Variants in MYRIP observed in about 807,000 individuals in gnomAD.
The protein encoded by MYRIP is myosin VIIA and Rab interacting protein.
Under a neutral mutation model 98.0 loss-of-function variants are expected in MYRIP, and 49 were observed. That is an observed-to-expected ratio of 0.50 (90% CI 0.40 to 0.63). The LOEUF (loss-of-function observed/expected upper bound fraction) is 0.63, where lower values mean the gene tolerates loss of function less well. Ranked by LOEUF, MYRIP falls within the 30% of genes least tolerant of loss-of-function variation. The pLI, the probability that MYRIP is intolerant of heterozygous loss-of-function variation, is 0.00. For missense variants in MYRIP, 1,004 were observed against 1,058.2 expected, an observed-to-expected ratio of 0.95 and a Z score of 0.71; for synonymous variants, 404 against 409.5, an observed-to-expected ratio of 0.99 and a Z score of 0.16.
chr3:40,167,031 A>G (rs1485049316), intron 6 of MYRIP, 88 bp downstream of exon 6: 6 of 1,364,192 alleles, frequency 4.4e-6, no homozygotes, highest in East Asian at 2.3e-5. Flanking sequence ...CAGGAAATCA[A>G]TGTCCCAGCA....
intron 3 of MYRIP, chr3:40,071,258 G>A (rs375833690): frequency 1.1e-6 from 1 of 925,332 alleles, no homozygotes; most frequent in Non-Finnish European, 1.3e-6. Context: ...GGGTCAGAAT[G>A]TGAGCCATCA....
chr3:40,127,218 A>G (rs1949541744), intron 3 of MYRIP, among the ~76,000 whole-genome samples: 1 of 152,212 alleles, frequency 6.6e-6, no homozygotes, highest in African/African-American at 2.4e-5. Context: ...GTGCTTAACT[A>G]TATTCAGGTT....
At chr3:40,164,746 C>A (rs1950468341) in intron 5 of MYRIP, among the ~76,000 whole-genome samples, 1 of 152,220 alleles carries the variant, frequency 6.6e-6, no homozygotes, top group Admixed American at 6.5e-5. Context: ...TGACCTGAAC[C>A]TTCACTTTTT....
intron 1 of MYRIP, among the ~76,000 whole-genome samples, chr3:39,828,296 A>AT (rs1034047921): frequency 6.0e-5 from 9 of 150,838 alleles, no homozygotes; most frequent in African/African-American, 1.9e-4. Context: ...TTTCTCTCTC[A>AT]TTTTTTTGTC....
chr3:40,084,607 C>CGATAGATAATACACATCTATGTATTATA lies in MYRIP; in HGVS notation c.332+40336_332+40337insGATAGATAATACACATCTATGTATTATA, dbSNP rs1559393869. On this transcript the variant is annotated intron_variant, in intron 3 of 16. Coordinates refer to ENST00000302541, the MANE Select transcript of MYRIP (RefSeq NM_015460.4). ...TAGATAATACACATCTATGTATTATCTATCGATAGATAATACACATCTATG... is the reference window on the plus strand; with the variant it reads ...TAGATAATACACATCTATGTATTATCGATAGATAATACACATCTATGTATTATATATCGATAGATAATACACATCTATG... Among the ~76,000 whole-genome samples, 22 of 10,890 alleles carry CGATAGATAATACACATCTATGTATTATA rather than the reference C, an allele frequency of 2.0e-3. 1 individual carries two copies. The highest frequency in any genetic ancestry group is 3.9e-3 in the African/African-American group (19 of 4,902). 7.1% of individuals were successfully genotyped at this position (10,890 alleles called of 152,430 possible). A position where few individuals can be genotyped will look rare whatever the true frequency, so the allele number is the denominator to read the frequency against.
intron 12 of MYRIP, among the ~76,000 whole-genome samples, chr3:40,239,063 C>T (rs1952916119): frequency 8.0e-6 from 1 of 124,390 alleles, no homozygotes; most frequent in Non-Finnish European, 1.6e-5. Flanking sequence ...CCCCCTCCCC[C>T]CACCCCACAA....
In MYRIP at chr3:40,168,175, C is replaced by T. The variant is rs1430091003; in HGVS notation, c.729+936C>T. Among the ~76,000 whole-genome samples the T allele has an allele frequency of 2.0e-5, 3 of 152,204 alleles. No homozygotes were observed. In the East Asian group the frequency reaches 5.8e-4, roughly 29 times the overall value. On this transcript the variant is annotated intron_variant, in intron 7 of 16. Transcript: ENST00000302541. ...TCACCTTGTTAGTGTAACAGACACT[C>T]CTATCACTCAAATAATTGCAAAGGT... is the stretch of plus-strand genomic sequence containing the variant.
chr3:40,134,613 C>G (rs980656876), intron 3 of MYRIP, among the ~76,000 whole-genome samples: 6 of 152,226 alleles, frequency 3.9e-5, no homozygotes, highest in Non-Finnish European at 8.8e-5. Context: ...CCCCGAGTAG[C>G]CTAACTGGGA....
chr3:40,043,387 A>AT (rs1371297761), intron 2 of MYRIP, among the ~76,000 whole-genome samples: 3 of 150,954 alleles, frequency 2.0e-5, no homozygotes, highest in African/African-American at 7.3e-5. Context: ...TTGGCAGTGT[A>AT]TTTTTCTTCT....
intron 10 of MYRIP, among the ~76,000 whole-genome samples, chr3:40,200,968 C>T (rs181056716): frequency 6.6e-6 from 1 of 152,336 alleles, no homozygotes; most frequent in Non-Finnish European, 1.5e-5. Flanking sequence ...ACTGTTAGTG[C>T]TGCTTTATTC....
At chr3:39,833,614 A>G (rs1941537829) in intron 1 of MYRIP, among the ~76,000 whole-genome samples, 1 of 152,218 alleles carries the variant, frequency 6.6e-6, no homozygotes, top group Non-Finnish European at 1.5e-5. Context: ...AGCGTTGGGT[A>G]CAAGTAGGCA....
Position 40,244,531 on chromosome 3 carries a change from C to T in MYRIP, c.2186C>T (p.Thr729Ile). 2 of 1,614,066 alleles carry T rather than the reference C, an allele frequency of 1.2e-6. No individual in the cohort carries two copies. Among genetic ancestry groups the T allele is most frequent in the South Asian group, 2.2e-5 (2 of 91,060 alleles). Residue 729 changes from threonine (T) to isoleucine (I), a missense_variant, in exon 13 of 17, where the codon ACT (threonine) becomes ATT (isoleucine). By Grantham distance (89) the Thr-to-Ile change is moderately conservative (BLOSUM62 -1). Around this residue, in one of 3 missense-constraint regions of MYRIP, gnomAD observed 880 missense variants for 907.7 expected, o/e 0.97. Transcript: ENST00000302541. ...GCCGCCCGCTGCATCCACAGTGGCA[C>T]TGATGAGACCCATCTGGCGGATCTG... ...EDAARCIHSGTDETHLADLED... is the reference protein window; with the variant it reads ...EDAARCIHSGIDETHLADLED...
intron 2 of MYRIP, among the ~76,000 whole-genome samples, chr3:40,004,930 G>T (rs999176641): frequency 3.3e-5 from 5 of 151,906 alleles, no homozygotes; most frequent in African/African-American, 1.2e-4. Flanking sequence ...TTCAACCCTT[G>T]CCCCCTCCCT....
At chr3:40,183,561 C>T (rs757556158) in intron 9 of MYRIP, among the ~76,000 whole-genome samples, 2 of 152,170 alleles carry the variant, frequency 1.3e-5, no homozygotes, top group African/African-American at 4.8e-5. Context: ...GGGTGACGGC[C>T]GAGGGCCATG....
At chr3:39,976,497 G>A (rs1184979456) in intron 2 of MYRIP, among the ~76,000 whole-genome samples, 2 of 152,188 alleles carry the variant, frequency 1.3e-5, no homozygotes, top group Non-Finnish European at 1.5e-5. Flanking sequence ...CGATTCCTCA[G>A]GGATCTAGAA....
At chr3:40,136,354 C>T (rs1295085450) in intron 3 of MYRIP, among the ~76,000 whole-genome samples, 2 of 152,188 alleles carry the variant, frequency 1.3e-5, no homozygotes, top group African/African-American at 2.4e-5. Context: ...TATATATGCA[C>T]CCAATACAGG....
intron 2 of MYRIP, among the ~76,000 whole-genome samples, chr3:39,912,869 G>C (rs529006634): frequency 3.2e-4 from 48 of 152,238 alleles, no homozygotes; most frequent in African/African-American, 9.6e-4. Flanking sequence ...GCAAAACCCT[G>C]TCTCTACTAA....
intron 11 of MYRIP, among the ~76,000 whole-genome samples, chr3:40,214,994 G>A (rs1952073771): frequency 6.6e-6 from 1 of 152,146 alleles, no homozygotes; most frequent in Non-Finnish European, 1.5e-5. Context: ...TTGTAGATAT[G>A]CGATAGAATA....
At chr3:39,817,204 C>A (rs1163687867) in intron 1 of MYRIP, among the ~76,000 whole-genome samples, 3 of 152,166 alleles carry the variant, frequency 2.0e-5, no homozygotes, top group Non-Finnish European at 4.4e-5. Context: ...GATTGTTGAA[C>A]ACATTGATTG....
Sources: gnomAD v4.1 joint callset for allele counts (sites outside exome capture counted in the v4.1 genomes callset) on GRCh38, gnomAD v4.1.1 for gene constraint, gnomAD v4.1.1 regional missense constraint, MANE v1.5 for transcripts, NCBI Gene and HGNC (gene_info 2026-07-23, HGNC 2026-07-21) for gene names.